The following TNS1 variants were observed in gnomAD, a reference collection of about 807,000 sequenced individuals.
TNS1 encodes tensin 1.
A neutral mutation model predicts 168.6 loss-of-function variants in TNS1; 62 were observed. The ratio of observed to expected loss-of-function variants is 0.37; its 90% CI spans 0.30 to 0.45. The LOEUF is 0.45. TNS1 is among the 20% of genes least tolerant of loss of function. TNS1 has a pLI of 1.00. For missense variants in TNS1, 2,240 were observed against 2,339.4 expected (o/e 0.96, Z 0.88); for synonymous variants, 934 against 933.2 (o/e 1.00, Z -0.02).
upstream of TNS1, among the ~76,000 whole-genome samples, chr2:218,011,270 G>A (rs1958703615): frequency 6.6e-6 from 1 of 152,170 alleles, no homozygotes; most frequent in Non-Finnish European, 1.5e-5. Context: ...AAAGAGGGGA[G>A]GCGGAGGTCC....
chr2:217,930,369 C>T (rs938864488), intron 3 of TNS1, among the ~76,000 whole-genome samples: 4 of 152,216 alleles, frequency 2.6e-5, no homozygotes, highest in African/African-American at 9.7e-5. Context: ...GAGAACATGG[C>T]CTTTGAGATG....
At chr2:217,887,004 T>TCATTTA (rs1414538844) in intron 12 of TNS1, among the ~76,000 whole-genome samples, 1 of 152,010 alleles carries the variant, frequency 6.6e-6, no homozygotes, top group African/African-American at 2.4e-5. Context: ...CTGACAGGCA[T>TCATTTA]CATTTAGCTG....
At chr2:217,888,408 G>T (rs772744297) in intron 12 of TNS1, among the ~76,000 whole-genome samples, 3 of 152,128 alleles carry the variant, frequency 2.0e-5, no homozygotes, top group Non-Finnish European at 2.9e-5. Flanking sequence ...GCTCAGAGAG[G>T]TGACCCATCC....
chr2:217,872,888 G>A lies in TNS1; in HGVS notation c.1429+8010C>T, dbSNP rs190592751. ...AAAAATGAATAAAATACTGATACATGTTACAACGTGAATGAAACATTGGGT... is the reference window on the plus strand; with the variant it reads ...AAAAATGAATAAAATACTGATACATATTACAACGTGAATGAAACATTGGGT... On this transcript the variant is annotated intron_variant, in intron 18 of 32. Transcript: ENST00000682258. Among the ~76,000 whole-genome samples the A allele has an allele frequency of 2.7e-3, 413 of 152,328 alleles. 2 individuals carry two copies. Among genetic ancestry groups the A allele is most frequent in the African/African-American group, 9.3e-3 (386 of 41,572 alleles).
At chr2:217,915,821 G>A (rs961403401) in intron 4 of TNS1, among the ~76,000 whole-genome samples, 1 of 152,234 alleles carries the variant, frequency 6.6e-6, no homozygotes, top group African/African-American at 2.4e-5. Context: ...GTTTGTTCCT[G>A]TCTTCTCAGG....
rs16858477 is a variant in TNS1 at position 217,948,117 on chromosome 2, C to T, written c.187-27881G>A. 5.3e-5 allele frequency among the ~76,000 whole-genome samples: 8 copies of T among 152,096 alleles called. No homozygotes were observed. The South Asian group carries it at 6.2e-4, about 12-fold the overall frequency. On this transcript the variant is annotated intron_variant, in intron 3 of 32. Transcript: ENST00000682258. The surrounding 1 kb of genome is among the most constrained non-coding windows in gnomAD (Gnocchi z 4.1). ...TACCTCCGGAGGGCACCACATCACC[C>T]GACTCCCACACTCAAGGAGCCAGAC...
intron 1 of TNS1, among the ~76,000 whole-genome samples, chr2:218,021,000 A>G (rs1958802364): frequency 6.6e-6 from 1 of 152,168 alleles, no homozygotes; most frequent in Non-Finnish European, 1.5e-5. Context: ...CAAGAACAGG[A>G]GGCTATTAGA....
In TNS1 at chr2:217,848,069, G is replaced by A; in HGVS notation, c.2448C>T (p.Pro816=). The A allele has an allele frequency of 1.3e-6, 2 of 1,542,234 alleles. No homozygotes were observed. Among genetic ancestry groups the A allele is most frequent in the African/African-American group, 1.4e-5 (1 of 72,928 alleles). Reference sequence around the variant, plus strand: ...CTGCTCGCGGGAACTCAGGGAGACTGGGGATGGGGGTCTCTGCCAATGGCT... The same window carrying A: ...CTGCTCGCGGGAACTCAGGGAGACTAGGGATGGGGGTCTCTGCCAATGGCT... ...SPQPLAETPI[P]SLPEFPRAAS... is the part of the protein sequence containing the mutation. The change falls in exon 19 of 33, where the codon CCC becomes CCT. Residue 816 remains proline, a synonymous_variant. Coordinates refer to ENST00000682258, the MANE Select transcript of TNS1 (RefSeq NM_001387777.1).
chr2:217,906,980 C>T (rs1193136792), intron 5 of TNS1, among the ~76,000 whole-genome samples: 1 of 152,190 alleles, frequency 6.6e-6, no homozygotes, highest in Admixed American at 6.5e-5. Context: ...TCCCTCTCTG[C>T]CTGCCCAGTT....
At chr2:217,838,053 A>G (rs545239736) in intron 19 of TNS1, among the ~76,000 whole-genome samples, 1 of 152,354 alleles carries the variant, frequency 6.6e-6, no homozygotes, top group South Asian at 2.1e-4. Flanking sequence ...ATTGTGACAG[A>G]AGAAGCCCAT....
chr2:217,818,209 T>A lies in TNS1; in HGVS notation c.4123A>T (p.Ser1375Cys). Residue 1375 changes from serine (S) to cysteine (C), a missense_variant, in exon 24 of 33, where the codon AGC becomes TGC. Ser to Cys is a moderately radical substitution (Grantham distance 112). Around this residue, in one of 2 missense-constraint regions of TNS1, gnomAD observed 2,131 missense variants for 2,171.2 expected, o/e 0.98. Transcript: ENST00000682258. ...NKVATTPGSP[S>C]LGRHPGAHQG... ...TGAGCCCCAGGGTGCCGGCCCAGGCTGGGACTCCCCGGGGTGGTGGCCACT... is the reference window on the plus strand; with the variant it reads ...TGAGCCCCAGGGTGCCGGCCCAGGCAGGGACTCCCCGGGGTGGTGGCCACT... 6.2e-7 allele frequency: 1 copy of A among 1,613,936 alleles called. No homozygotes were observed. Among genetic ancestry groups the A allele is most frequent in the Non-Finnish European group, 8.5e-7 (1 of 1,179,926 alleles).
chr2:217,833,086 G>A (rs945315563), intron 21 of TNS1, among the ~76,000 whole-genome samples: 50 of 152,170 alleles, frequency 3.3e-4, no homozygotes, highest in African/African-American at 1.1e-3. Flanking sequence ...AATTAATTAC[G>A]AAATAATATG....
intron 18 of TNS1, among the ~76,000 whole-genome samples, chr2:217,857,542 G>A (rs988093924): frequency 6.6e-6 from 1 of 152,156 alleles, no homozygotes; most frequent in Non-Finnish European, 1.5e-5. Flanking sequence ...ATGTGTCCCC[G>A]GACCCTCCTT....
At chr2:217,902,342 G>A (rs908276762) in intron 6 of TNS1, among the ~76,000 whole-genome samples, 1 of 152,180 alleles carries the variant, frequency 6.6e-6, no homozygotes, top group African/African-American at 2.4e-5. Flanking sequence ...ACTTTTGGAG[G>A]AAGCCACCAC....
intron 18 of TNS1, chr2:217,850,060 G>A (rs1947252972): frequency 1.0e-6 from 1 of 985,396 alleles, no homozygotes; most frequent in Non-Finnish European, 1.2e-6. Flanking sequence ...ACTCCTGATG[G>A]ACCCCTACCC....
intron 32 of TNS1, among the ~76,000 whole-genome samples, chr2:217,805,551 CACCACACACACCA>C (rs1938630550): frequency 1.5e-5 from 1 of 65,572 alleles, no homozygotes. Context: ...CACCACCACA[CACCACACACACCA>C]CCACACACAC....
chr2:217,972,027 A>G (rs1957784307), intron 3 of TNS1, among the ~76,000 whole-genome samples: 1 of 152,246 alleles, frequency 6.6e-6, no homozygotes, highest in Admixed American at 6.5e-5. Context: ...TCCACCTTAC[A>G]GGAAGTAGGA....
At chr2:217,965,260 G>A (rs986258762) in intron 3 of TNS1, among the ~76,000 whole-genome samples, 1 of 152,196 alleles carries the variant, frequency 6.6e-6, no homozygotes, top group Non-Finnish European at 1.5e-5. Context: ...CCTATCACAT[G>A]CCAGGATTTT....
chr2:217,835,033 G>T (rs1409530895), intron 21 of TNS1, 58 bp downstream of exon 21: 2 of 1,477,950 alleles, frequency 1.4e-6, no homozygotes, highest in African/African-American at 1.5e-5. Flanking sequence ...CACAGGCAGG[G>T]TTGAGCTGAG....
Sources: allele counts gnomAD v4.1 joint callset (sites outside exome capture counted in the v4.1 genomes callset), GRCh38; gene constraint gnomAD v4.1.1; regional missense constraint gnomAD v4.1.1; non-coding constraint Gnocchi (gnomAD v3.1); transcripts MANE v1.5; gene names NCBI Gene and HGNC (gene_info 2026-07-23, HGNC 2026-07-21).